SLCO5A1: variants seen among roughly 807,000 people sequenced by gnomAD.
The protein encoded by SLCO5A1 is solute carrier organic anion transporter family member 5A1, also known as organic anion transporter polypeptide-related protein 4.
In SLCO5A1, 39 loss-of-function variants were observed where a neutral mutation model predicts 65.1. The ratio of observed to expected loss-of-function variants is 0.60; its 90% CI spans 0.46 to 0.78. The LOEUF (loss-of-function observed/expected upper bound fraction) is 0.78, where lower values mean the gene tolerates loss of function less well. Ranked by LOEUF, SLCO5A1 falls within the 30% of genes least tolerant of loss-of-function variation. The probability of loss-of-function intolerance (pLI) is 0.00; values close to 1 mark genes in which losing one functional copy is unlikely to be tolerated. For missense variants in SLCO5A1, 1,029 were observed against 1,069.4 expected, an observed-to-expected ratio of 0.96 and a Z score of 0.53; for synonymous variants, 438 against 415.7, an observed-to-expected ratio of 1.05 and a Z score of -0.65.
intron 2 of SLCO5A1, among the ~76,000 whole-genome samples, chr8:69,822,982 A>T (rs1050788574): frequency 2.0e-5 from 3 of 152,250 alleles, no homozygotes; most frequent in Non-Finnish European, 4.4e-5. Flanking sequence ...CTGATGGCTG[A>T]ACCATGCCAA....
At chr8:69,675,428 C>T (rs1183832365) in intron 9 of SLCO5A1, among the ~76,000 whole-genome samples, 1 of 152,088 alleles carries the variant, frequency 6.6e-6, no homozygotes, top group Non-Finnish European at 1.5e-5. Context: ...CCACTCACCT[C>T]GGCCTCCCAA....
intron 6 of SLCO5A1, among the ~76,000 whole-genome samples, chr8:69,701,759 A>C (rs1244596606): frequency 6.6e-6 from 1 of 152,076 alleles, no homozygotes; most frequent in East Asian, 1.9e-4. Context: ...CACCCCGACC[A>C]CCTTGGGCAC....
At chr8:69,767,564 A>C (rs534681885) in intron 2 of SLCO5A1, among the ~76,000 whole-genome samples, 2 of 152,306 alleles carry the variant, frequency 1.3e-5, no homozygotes, top group South Asian at 4.1e-4. Context: ...CCTGTAAAGC[A>C]TGTGGAATGC....
intron 6 of SLCO5A1, among the ~76,000 whole-genome samples, chr8:69,704,641 G>T (rs1814890492): frequency 1.3e-5 from 2 of 152,182 alleles, no homozygotes; most frequent in African/African-American, 4.8e-5. Flanking sequence ...GGTGGATGGA[G>T]GACTTGGGTA....
chr8:69,786,702 T>C (rs2130888525), intron 2 of SLCO5A1, among the ~76,000 whole-genome samples: 1 of 152,326 alleles, frequency 6.6e-6, no homozygotes. Flanking sequence ...ATCTATAAAA[T>C]GGAGAGCTAA....
chr8:69,723,161 A>T (rs1815906146), intron 5 of SLCO5A1, among the ~76,000 whole-genome samples: 1 of 152,152 alleles, frequency 6.6e-6, no homozygotes, highest in South Asian at 2.1e-4. Flanking sequence ...CATTAAAACT[A>T]TTTTTTATTC....
rs1018210082 is a variant in SLCO5A1 at position 69,822,849 on chromosome 8, C to A, written c.907+8918G>T. Among the ~76,000 whole-genome samples the A allele has an allele frequency of 2.2e-4, 34 of 152,218 alleles. 1 individual carries two copies. The highest frequency in any genetic ancestry group is 2.9e-5 in the Non-Finnish European group (2 of 68,044). ...AAACTAAAATACAATTTTTCTGCCT[C>A]TTTTCCGGTGCTCTTTCTAAGGCAT... On this transcript the variant is annotated intron_variant, in intron 2 of 9. Coordinates refer to ENST00000260126, the MANE Select transcript of SLCO5A1 (RefSeq NM_030958.3).
chr8:69,775,250 A>C (rs892456197), intron 2 of SLCO5A1, among the ~76,000 whole-genome samples: 2 of 152,246 alleles, frequency 1.3e-5, no homozygotes, highest in African/African-American at 4.8e-5. Flanking sequence ...AAATATTTTC[A>C]AAGTAATTTG....
At chr8:69,763,104 A>G (rs1873546) in intron 2 of SLCO5A1, among the ~76,000 whole-genome samples, 38,090 of 151,914 alleles carry the variant, frequency 0.25, 6,488 homozygotes, top group African/African-American at 0.48. Flanking sequence ...GAGGTCAGGA[A>G]TTTAAGAGCA....
intron 4 of SLCO5A1, among the ~76,000 whole-genome samples, chr8:69,748,927 G>A (rs538316120): frequency 3.9e-5 from 6 of 152,194 alleles, no homozygotes; most frequent in Admixed American, 6.5e-5. Flanking sequence ...CAAAGAAAGG[G>A]GTTTTATATA....
At chr8:69,758,721 A>G (rs1033976240) in intron 3 of SLCO5A1, among the ~76,000 whole-genome samples, 4 of 152,208 alleles carry the variant, frequency 2.6e-5, no homozygotes, top group African/African-American at 9.7e-5. Flanking sequence ...CATCGATACA[A>G]CACATCATAT....
chr8:69,807,288 T>C (rs568499462), intron 2 of SLCO5A1, among the ~76,000 whole-genome samples: 32 of 152,352 alleles, frequency 2.1e-4, no homozygotes, highest in African/African-American at 7.2e-4. Flanking sequence ...GTACACATTG[T>C]GGAATGATTA....
chr8:69,799,180 AT>A (rs1313393037), intron 2 of SLCO5A1, among the ~76,000 whole-genome samples: 1 of 152,188 alleles, frequency 6.6e-6, no homozygotes, highest in Non-Finnish European at 1.5e-5. Context: ...GAAAATTTAT[AT>A]TTTACAAGTA....
intron 5 of SLCO5A1, among the ~76,000 whole-genome samples, chr8:69,707,625 A>T (rs1357691501): frequency 1.3e-5 from 2 of 152,156 alleles, no homozygotes; most frequent in Non-Finnish European, 2.9e-5. Flanking sequence ...GACAGGATGG[A>T]AGCTGTGTAT....
chr8:69,801,158 C>T (rs901136616), intron 2 of SLCO5A1, among the ~76,000 whole-genome samples: 2 of 152,230 alleles, frequency 1.3e-5, no homozygotes, highest in African/African-American at 4.8e-5. Context: ...GTACACAGCT[C>T]ACATCCTAAG....
chr8:69,765,793 C>G (rs543748346), intron 2 of SLCO5A1, among the ~76,000 whole-genome samples: 1 of 152,258 alleles, frequency 6.6e-6, no homozygotes, highest in East Asian at 1.9e-4. Flanking sequence ...CAGGTCCCTT[C>G]CTTTGCTGAC....
intron 5 of SLCO5A1, among the ~76,000 whole-genome samples, chr8:69,711,370 C>G (rs1479997965): frequency 1.3e-5 from 2 of 152,144 alleles, no homozygotes; most frequent in Admixed American, 6.5e-5. Flanking sequence ...GCGTTCCCAG[C>G]CTCGGAGGGA....
chr8:69,783,211 G>A (rs553962848), intron 2 of SLCO5A1, among the ~76,000 whole-genome samples: 1 of 151,886 alleles, frequency 6.6e-6, no homozygotes, highest in Admixed American at 6.6e-5. Flanking sequence ...AGATTAATGG[G>A]TACAAAAAAA....
intron 2 of SLCO5A1, among the ~76,000 whole-genome samples, chr8:69,775,591 T>G (rs1818523312): frequency 6.6e-6 from 1 of 152,176 alleles, no homozygotes; most frequent in East Asian, 1.9e-4. Context: ...TTAAAGTATA[T>G]TTTGGAACAA....
Sources: gnomAD v4.1 joint callset for allele counts (sites outside exome capture counted in the v4.1 genomes callset) on GRCh38, gnomAD v4.1.1 for gene constraint, MANE v1.5 for transcripts, NCBI Gene and HGNC (gene_info 2026-07-23, HGNC 2026-07-21) for gene names.